CAMK2D: variants seen among roughly 807,000 people sequenced by gnomAD.
The protein encoded by CAMK2D is calcium/calmodulin-dependent protein kinase type II subunit delta.
CAMK2D carries 37 observed loss-of-function variants against 84.0 expected under a neutral mutation model. The observed-to-expected ratio is 0.44, with a 90% CI of 0.34 to 0.58. CAMK2D has a LOEUF of 0.58. CAMK2D is among the 20% of genes least tolerant of loss of function. The probability of loss-of-function intolerance (pLI) is 0.02; values close to 1 mark genes in which losing one functional copy is unlikely to be tolerated. For synonymous variants in CAMK2D, 202 were observed against 212.5 expected, an observed-to-expected ratio of 0.95 and a Z score of 0.43; for missense variants, 448 against 652.5, an observed-to-expected ratio of 0.69 and a Z score of 3.41.
At chr4:113,502,488 C>A (rs1382840365) in intron 15 of CAMK2D, among the ~76,000 whole-genome samples, 5 of 132,308 alleles carry the variant, frequency 3.8e-5, no homozygotes, top group South Asian at 2.3e-4. Flanking sequence ...ACTCTGACAA[C>A]AGAATAGAAT....
At chr4:113,704,023 A>T (rs1160793152) in intron 2 of CAMK2D, among the ~76,000 whole-genome samples, 1 of 151,188 alleles carries the variant, frequency 6.6e-6, no homozygotes, top group African/African-American at 2.4e-5. Flanking sequence ...GTTTTTGTAC[A>T]ATCACATTTT....
chr4:113,513,673 T>C (rs1321583861), intron 11 of CAMK2D, among the ~76,000 whole-genome samples, 157 bp downstream of exon 11: 2 of 152,210 alleles, frequency 1.3e-5, no homozygotes, highest in African/African-American at 2.4e-5. Flanking sequence ...GTTTTGATTC[T>C]GGTGTATATT....
At chr4:113,564,576 G>C (rs2098713645) in intron 4 of CAMK2D, among the ~76,000 whole-genome samples, 3 of 151,414 alleles carry the variant, frequency 2.0e-5, no homozygotes, top group African/African-American at 7.3e-5. Context: ...GAAAGGCAAG[G>C]ACCATGTCTT....
chr4:113,563,135 TCTC>T (rs1307683885), intron 4 of CAMK2D, among the ~76,000 whole-genome samples: 1 of 151,946 alleles, frequency 6.6e-6, no homozygotes, highest in East Asian at 1.9e-4. Context: ...GTGCCTGTAA[TCTC>T]AGCTGCTCAG....
At chr4:113,581,600 T>C (rs2098810474) in intron 4 of CAMK2D, among the ~76,000 whole-genome samples, 1 of 151,824 alleles carries the variant, frequency 6.6e-6, no homozygotes, top group South Asian at 2.1e-4. Context: ...ATTTGATTTT[T>C]TTTTTCTTTA....
Position 113,735,135 on chromosome 4 carries a change from T to C in CAMK2D, c.160+24185A>G, listed in dbSNP as rs372307060. Among the ~76,000 whole-genome samples, 3 of 150,734 alleles carry C rather than the reference T, an allele frequency of 2.0e-5. No individual in the cohort carries two copies. The East Asian group carries it at 5.8e-4, about 29-fold the overall frequency. On this transcript the variant is annotated intron_variant, in intron 2 of 20. Transcript: ENST00000511664. ...CCCAGTTAGAATAATACACAGGAAATATATATAAAATTCTGCCTTTTGCAA... is the reference window on the plus strand; with the variant it reads ...CCCAGTTAGAATAATACACAGGAAACATATATAAAATTCTGCCTTTTGCAA...
At chr4:113,632,275 G>A (rs2099092874) in intron 3 of CAMK2D, among the ~76,000 whole-genome samples, 1 of 152,104 alleles carries the variant, frequency 6.6e-6, no homozygotes, top group African/African-American at 2.4e-5. Context: ...CCAGGCTGGA[G>A]TGCAATGGCA....
chr4:113,706,043 G>T (rs1265363471), intron 2 of CAMK2D, among the ~76,000 whole-genome samples: 1 of 152,186 alleles, frequency 6.6e-6, no homozygotes, highest in African/African-American at 2.4e-5. Context: ...GAGTAAAGGA[G>T]ATGCTAATTG....
chr4:113,459,715 C>A (rs1033528119), intron 18 of CAMK2D, among the ~76,000 whole-genome samples: 1 of 151,162 alleles, frequency 6.6e-6, no homozygotes, highest in Non-Finnish European at 1.5e-5. Flanking sequence ...CAACTTCCAC[C>A]TCACGGGTTC....
At chr4:113,670,889 C>T (rs2099278706) in intron 2 of CAMK2D, among the ~76,000 whole-genome samples, 1 of 151,868 alleles carries the variant, frequency 6.6e-6, no homozygotes, top group South Asian at 2.1e-4. Context: ...GATCGCGCCA[C>T]TGCACTCCAG....
At chr4:113,661,465 AT>A (rs2099231639) in intron 3 of CAMK2D, among the ~76,000 whole-genome samples, 1 of 152,292 alleles carries the variant, frequency 6.6e-6, no homozygotes, top group South Asian at 2.1e-4. Flanking sequence ...AACATACACT[AT>A]TAATTAATTT....
At position 113,508,843 on chromosome 4, in the gene CAMK2D, C is replaced by T. The variant is rs537220628; in HGVS notation, c.984+795G>A. Among the ~76,000 whole-genome samples, 7 of 152,178 alleles carry T rather than the reference C, an allele frequency of 4.6e-5. No homozygotes were observed. The South Asian group carries it at 1.5e-3, about 32-fold the overall frequency. On this transcript the variant is annotated intron_variant, in intron 13 of 20. Transcript: ENST00000511664. ...CAAATGTTAGAAAATTAATTAATTC[C>T]CAAGAACGTTGAAGTGTTGATGAAG...
At chr4:113,623,232 T>C (rs1047476339) in intron 3 of CAMK2D, among the ~76,000 whole-genome samples, 1 of 152,230 alleles carries the variant, frequency 6.6e-6, no homozygotes, top group Non-Finnish European at 1.5e-5. Context: ...TCCTACACTT[T>C]TTTGAACTGG....
Position 113,749,347 on chromosome 4 carries a change from T to C in CAMK2D, c.160+9973A>G, listed in dbSNP as rs1245123437. On this transcript the variant is annotated intron_variant, in intron 2 of 20. Coordinates refer to ENST00000511664, the MANE Select transcript of CAMK2D (RefSeq NM_001321571.2). The stretch of plus-strand genomic sequence containing the variant: ...AGTAAGTGCTTTTCAACATGCATTC[T>C]GTTTAAAGAGCCTTCCAATACAGAA... Among the ~76,000 whole-genome samples the C allele has an allele frequency of 2.0e-5, 3 of 146,796 alleles. No homozygotes were observed. In the Admixed American group the frequency reaches 2.1e-4, roughly 10 times the overall value.
chr4:113,741,339 A>G (rs979492806), intron 2 of CAMK2D, among the ~76,000 whole-genome samples: 2 of 152,214 alleles, frequency 1.3e-5, no homozygotes, highest in Non-Finnish European at 2.9e-5. Flanking sequence ...AAATTCATGC[A>G]GTTTTGCTGT....
chr4:113,731,099 G>C (rs569547861), intron 2 of CAMK2D, among the ~76,000 whole-genome samples: 15 of 152,290 alleles, frequency 9.8e-5, no homozygotes, highest in African/African-American at 3.6e-4. Flanking sequence ...AGAAGTGCTA[G>C]CGAAAAGCCA....
intron 16 of CAMK2D, among the ~76,000 whole-genome samples, chr4:113,471,704 C>G: frequency 6.6e-6 from 1 of 152,134 alleles, no homozygotes; most frequent in East Asian, 1.9e-4. Context: ...GTTCCTGACC[C>G]TTCCTGCTCC....
rs542365828 is a variant in CAMK2D, at chr4:113,515,677, T to C, written c.697-486A>G. 2.0e-5 allele frequency among the ~76,000 whole-genome samples: 3 copies of C among 152,294 alleles called. No individual in the cohort carries two copies. The East Asian group carries it at 5.8e-4, about 29-fold the overall frequency. ...TCATAAGCAGTAATAGCAGAGGTAA[T>C]AAAACAGCTTCAATTCCTGTGCCAA... is the stretch of plus-strand genomic sequence containing the variant. On this transcript the variant is annotated intron_variant, in intron 9 of 20. Coordinates refer to ENST00000511664, the MANE Select transcript of CAMK2D (RefSeq NM_001321571.2).
At chr4:113,604,777 A>C (rs1285020813) in intron 4 of CAMK2D, among the ~76,000 whole-genome samples, 1 of 152,234 alleles carries the variant, frequency 6.6e-6, no homozygotes. Context: ...TATTATGCTG[A>C]ATTTCTAAAA....
Sources: allele counts gnomAD v4.1 joint callset (sites outside exome capture counted in the v4.1 genomes callset), GRCh38; gene constraint gnomAD v4.1.1; transcripts MANE v1.5; gene names NCBI Gene and HGNC (gene_info 2026-07-23, HGNC 2026-07-21).